Variants in ZNF486 observed in about 807,000 individuals in gnomAD.
The protein encoded by ZNF486 is KRAB box only protein 2.
Under a neutral mutation model 12.8 loss-of-function variants are expected in ZNF486, and 12 were observed. The observed-to-expected ratio is 0.94, with a 90% CI of 0.60 to 1.52. ZNF486 has a LOEUF of 1.52. ZNF486 is among the 40% of genes most tolerant of loss of function. The probability of loss-of-function intolerance (pLI) is 0.00; values close to 1 mark genes in which losing one functional copy is unlikely to be tolerated. For missense variants in ZNF486, 738 were observed against 545.0 expected (o/e 1.35, Z -3.53); for synonymous variants, 231 against 184.9 (o/e 1.25, Z -2.02).
intron 2 of ZNF486, 110 bp from the exon 3 acceptor site, chr19:20,185,877 T>C (rs2089838408): frequency 1.9e-6 from 1 of 537,140 alleles, no homozygotes. Flanking sequence ...ATTAGTATTT[T>C]GGTATTAATT....
chr19:20,176,705 A>G (rs563280322), intron 1 of ZNF486: 135 of 155,254 alleles, frequency 8.7e-4, no homozygotes, highest in Non-Finnish European at 1.2e-3. Flanking sequence ...CGCACCTGCA[A>G]TCGCAGGCAC....
chr19:20,192,885 G>A (rs2089915927), intron 3 of ZNF486, among the ~76,000 whole-genome samples: 1 of 152,110 alleles, frequency 6.6e-6, no homozygotes, highest in South Asian at 2.1e-4. Flanking sequence ...TTATTAAGTA[G>A]TATAATTAAT....
chr19:20,170,220 G>T (rs2089634639), intron 1 of ZNF486, among the ~76,000 whole-genome samples: 1 of 151,892 alleles, frequency 6.6e-6, no homozygotes, highest in Non-Finnish European at 1.5e-5. Context: ...TGTTGACTCA[G>T]ACTGAGGGTA....
At chr19:20,195,028 TA>T (rs1379006173) in intron 3 of ZNF486, among the ~76,000 whole-genome samples, 1 of 152,140 alleles carries the variant, frequency 6.6e-6, no homozygotes, top group Non-Finnish European at 1.5e-5. Context: ...TTTTTTCTTA[TA>T]CAGAGTCTTT....
intron 1 of ZNF486, among the ~76,000 whole-genome samples, chr19:20,177,610 T>C (rs1402245387): frequency 1.3e-5 from 2 of 152,240 alleles, no homozygotes; most frequent in Non-Finnish European, 2.9e-5. Flanking sequence ...GGAGTTTCAC[T>C]CTTATTGCCC....
chr19:20,189,907 CT>C (rs1176292944), intron 3 of ZNF486, among the ~76,000 whole-genome samples: 2 of 151,038 alleles, frequency 1.3e-5, no homozygotes, highest in East Asian at 1.9e-4. Flanking sequence ...ATGTAATGTC[CT>C]TTTCCTGTAT....
In ZNF486 at chr19:20,181,662, A is replaced by G. The variant is rs538854463; in HGVS notation, c.31-2694A>G. On this transcript the variant is annotated intron_variant, in intron 1 of 3. Coordinates refer to ENST00000335117, the MANE Select transcript of ZNF486 (RefSeq NM_052852.4). ...AGCAACTTGTTTTCTATTCTTGCAG[A>G]TCCAGTAGTTGCTCCACAAGTCACA... is the stretch of plus-strand genomic sequence containing the variant. 3.3e-5 allele frequency among the ~76,000 whole-genome samples: 5 copies of G among 152,314 alleles called. No individual in the cohort carries two copies. The East Asian group carries it at 7.7e-4, about 23-fold the overall frequency.
Position 20,199,922 on chromosome 19 carries a change from A to T in ZNF486, c.*1820A>T, listed in dbSNP as rs2089997589. 6.6e-6 allele frequency: 1 copy of T among 151,960 alleles called. No individual in the cohort carries two copies. Among genetic ancestry groups the T allele is most frequent in the South Asian group, 2.1e-4 (1 of 4,820 alleles). The allele number at this position is 151,960 out of a possible 1,614,324, so 9.4% of individuals were successfully genotyped here. A position where few individuals can be genotyped will look rare whatever the true frequency, so the allele number is the denominator to read the frequency against. On this transcript the variant is annotated 3_prime_UTR_variant, in exon 4 of 4. Transcript: ENST00000335117. ...AACCCTGTCTGTACTAAAAATACAA[A>T]AATTAGCCATGCATGGTGGCCGGCG...
At chr19:20,168,772 T>A (rs2089612798) in intron 1 of ZNF486, among the ~76,000 whole-genome samples, 1 of 152,160 alleles carries the variant, frequency 6.6e-6, no homozygotes, top group Non-Finnish European at 1.5e-5. Context: ...AACACTGACA[T>A]GGAAATTAAA....
chr19:20,173,646 T>C (rs1446486116), intron 1 of ZNF486, among the ~76,000 whole-genome samples: 1 of 151,914 alleles, frequency 6.6e-6, no homozygotes, highest in African/African-American at 2.4e-5. Flanking sequence ...CTGGCTAACA[T>C]AGTGATACCC....
intron 1 of ZNF486, among the ~76,000 whole-genome samples, chr19:20,169,841 C>A (rs1181775112): frequency 2.7e-5 from 4 of 150,510 alleles, no homozygotes; most frequent in African/African-American, 4.9e-5. Context: ...GAATGTCTTA[C>A]CCTGAAATCA....
intron 1 of ZNF486, among the ~76,000 whole-genome samples, chr19:20,170,306 G>A (rs190020835): frequency 2.6e-5 from 4 of 152,104 alleles, no homozygotes; most frequent in East Asian, 2.0e-4. Context: ...GGCCAGGCGC[G>A]ATGGCTCACG....
At chr19:20,189,356 A>T (rs1194317104) in intron 3 of ZNF486, among the ~76,000 whole-genome samples, 1 of 152,130 alleles carries the variant, frequency 6.6e-6, no homozygotes, top group Non-Finnish European at 1.5e-5. Context: ...AGGCTTGAGC[A>T]CCTGGGCCTG....
rs782355243 is a variant in ZNF486 at position 20,197,730 on chromosome 19, T to C, written c.1020T>C (p.His340=). Residue 340 remains histidine, a synonymous_variant, in exon 4 of 4, where the codon CAT becomes CAC. Coordinates refer to ENST00000335117, the MANE Select transcript of ZNF486 (RefSeq NM_052852.4). ...TTTCATCCTCGATCCTTAGTAAACA[T>C]GAGAAGATTCATACGGGAGAGAAAC... ...AFISSSILSK[H]EKIHTGEKPY... 1.4e-5 allele frequency: 22 copies of C among 1,613,684 alleles called. No individual in the cohort carries two copies. The highest frequency in any genetic ancestry group is 3.3e-4 in the Middle Eastern group (2 of 6,080).
chr19:20,196,871 T>C, intron 3 of ZNF486, 93 bp from the exon 4 acceptor site: 1 of 1,419,988 alleles, frequency 7.0e-7, no homozygotes, highest in South Asian at 1.6e-5. Context: ...TCATCTTGCT[T>C]ATGTAGTTTG....
chr19:20,176,931 C>T (rs2089725160), intron 1 of ZNF486: 1 of 152,228 alleles, frequency 6.6e-6, no homozygotes, highest in Non-Finnish European at 1.5e-5. Context: ...TATCTGGACT[C>T]ATGCTGGAAA....
chr19:20,181,342 A>C (rs1176606091), intron 1 of ZNF486, among the ~76,000 whole-genome samples: 3 of 152,142 alleles, frequency 2.0e-5, no homozygotes, highest in Admixed American at 2.0e-4. Flanking sequence ...AATCGAGACC[A>C]TCCTGGCTAA....
chr19:20,184,528 T>C (rs1555716074), intron 2 of ZNF486, 46 bp downstream of exon 2: 1 of 1,528,480 alleles, frequency 6.5e-7, no homozygotes, highest in Admixed American at 2.2e-5. Flanking sequence ...CCCAAAAGTT[T>C]TATTTCTCTT....
intron 3 of ZNF486, among the ~76,000 whole-genome samples, chr19:20,189,103 C>T (rs2089878034): frequency 6.6e-6 from 1 of 152,030 alleles, no homozygotes; most frequent in African/African-American, 2.4e-5. Flanking sequence ...GAGATGGATT[C>T]TCACTCTGTC....
Sources: allele counts gnomAD v4.1 joint callset (sites outside exome capture counted in the v4.1 genomes callset), GRCh38; gene constraint gnomAD v4.1.1; transcripts MANE v1.5; gene names NCBI Gene and HGNC (gene_info 2026-07-23, HGNC 2026-07-21).